Variants in PRIMA1 observed in about 807,000 individuals in gnomAD.
The protein encoded by PRIMA1 is proline-rich membrane anchor 1.
A neutral mutation model predicts 17.5 loss-of-function variants in PRIMA1; 7 were observed. The observed-to-expected ratio is 0.40, with a 90% confidence interval of 0.23 to 0.75. The LOEUF (loss-of-function observed/expected upper bound fraction) is 0.75. PRIMA1 is among the 30% of genes least tolerant of loss of function. The pLI is 0.37. For missense variants in PRIMA1, 200 were observed against 201.8 expected, an observed-to-expected ratio of 0.99 and a Z score of 0.05; for synonymous variants, 97 against 77.9, an observed-to-expected ratio of 1.25 and a Z score of -1.29.
chr14:93,761,527 C>T (rs894256922), intron 3 of PRIMA1, among the ~76,000 whole-genome samples: 6 of 152,134 alleles, frequency 3.9e-5, no homozygotes, highest in Non-Finnish European at 8.8e-5. Flanking sequence ...ACCACAGGAC[C>T]CTTGTATGTG....
At chr14:93,740,629 C>T (rs1258131557) in intron 3 of PRIMA1, among the ~76,000 whole-genome samples, 2 of 152,320 alleles carry the variant, frequency 1.3e-5, no homozygotes, top group East Asian at 1.9e-4. Context: ...ACAGTCACAC[C>T]GACACTCCTG....
intron 3 of PRIMA1, among the ~76,000 whole-genome samples, chr14:93,744,738 C>T (rs897670046): frequency 2.0e-5 from 3 of 152,170 alleles, no homozygotes; most frequent in Non-Finnish European, 4.4e-5. Context: ...CCCCCTGTTT[C>T]ATAAGTCTCC....
At chr14:93,780,946 CAT>C (rs1471714012) in intron 2 of PRIMA1, among the ~76,000 whole-genome samples, 1 of 152,242 alleles carries the variant, frequency 6.6e-6, no homozygotes, top group Non-Finnish European at 1.5e-5. Flanking sequence ...TGCAACTAGC[CAT>C]GTGTTGCCTG....
At chr14:93,723,213 C>T (rs1258361431) in intron 4 of PRIMA1, among the ~76,000 whole-genome samples, 6 of 152,190 alleles carry the variant, frequency 3.9e-5, no homozygotes, top group Non-Finnish European at 1.5e-5. Flanking sequence ...GCCCAGCCCC[C>T]TCCAGGGTTC....
intron 1 of PRIMA1, among the ~76,000 whole-genome samples, chr14:93,788,075 A>G (rs1268039178): frequency 1.3e-5 from 2 of 151,962 alleles, no homozygotes; most frequent in Non-Finnish European, 2.9e-5. Context: ...ATTAACCCCC[A>G]TACAACTCAC....
chr14:93,718,778 T>C lies in PRIMA1; in HGVS notation c.*2666A>G, dbSNP rs1327677735. 1 of 152,576 alleles carries C rather than the reference T, an allele frequency of 6.6e-6. No homozygotes were observed. The highest frequency in any genetic ancestry group is 1.5e-5 in the Non-Finnish European group (1 of 68,030). The allele number at this position is 152,576 out of a possible 1,614,324, so 9.5% of individuals were successfully genotyped here. A position where few individuals can be genotyped will look rare whatever the true frequency, so the allele number is the denominator to read the frequency against. ...AACACCTGAAACCTCTGGGAGATCCTATGATCTGAGTTCCAAAGTTGGGGT... is the reference window on the plus strand; with the variant it reads ...AACACCTGAAACCTCTGGGAGATCCCATGATCTGAGTTCCAAAGTTGGGGT... On this transcript the variant is annotated 3_prime_UTR_variant, in exon 5 of 5. Coordinates refer to ENST00000393140, the MANE Select transcript of PRIMA1 (RefSeq NM_178013.4).
chr14:93,731,497 A>C (rs1182391892), intron 4 of PRIMA1, among the ~76,000 whole-genome samples: 2 of 152,194 alleles, frequency 1.3e-5, no homozygotes, highest in African/African-American at 4.8e-5. Context: ...CTTTGATAAA[A>C]ATTAAAACTA....
intron 4 of PRIMA1, among the ~76,000 whole-genome samples, chr14:93,732,616 C>T (rs1340623694): frequency 6.6e-6 from 1 of 152,248 alleles, no homozygotes; most frequent in East Asian, 1.9e-4. Context: ...CAGTGCCTGG[C>T]ACCTGGTCCT....
At chr14:93,731,127 A>G (rs7158900) in intron 4 of PRIMA1, among the ~76,000 whole-genome samples, 55,203 of 137,116 alleles carry the variant, frequency 0.4, 10,540 homozygotes, top group East Asian at 0.63. Flanking sequence ...GCTATGCACA[A>G]TATGTTCTTT....
chr14:93,753,810 A>C lies in PRIMA1; in HGVS notation c.230-16440T>G, dbSNP rs148385662. On this transcript the variant is annotated intron_variant, in intron 3 of 4. Coordinates refer to ENST00000393140, the MANE Select transcript of PRIMA1 (RefSeq NM_178013.4). ...GGCAACTTTGACCTATTCCAGGCAG[A>C]ACAGCTCCCAGTTAAAGTGCACGCT... Among the ~76,000 whole-genome samples the C allele has an allele frequency of 3.8e-3, 579 of 152,278 alleles. 3 individuals are homozygous for C. Among genetic ancestry groups the C allele is most frequent in the African/African-American group, 0.013 (560 of 41,550 alleles).
chr14:93,764,262 A>C (rs1049313292), intron 3 of PRIMA1, among the ~76,000 whole-genome samples: 21 of 151,618 alleles, frequency 1.4e-4, no homozygotes, highest in African/African-American at 5.1e-4. Flanking sequence ...CCTCTGTGGA[A>C]GCACAGCCCT....
At chr14:93,755,006 G>A (rs2076282207) in intron 3 of PRIMA1, among the ~76,000 whole-genome samples, 1 of 152,200 alleles carries the variant, frequency 6.6e-6, no homozygotes, top group Non-Finnish European at 1.5e-5. Context: ...GAAGTGAGGT[G>A]AGGTCTCGAA....
At chr14:93,725,363 C>T (rs1007567344) in intron 4 of PRIMA1, among the ~76,000 whole-genome samples, 4 of 152,176 alleles carry the variant, frequency 2.6e-5, no homozygotes, top group Non-Finnish European at 5.9e-5. Context: ...CAACCACTCT[C>T]CTGCCTGGAC....
chr14:93,741,117 G>A (rs2076181847), intron 3 of PRIMA1, among the ~76,000 whole-genome samples: 1 of 152,228 alleles, frequency 6.6e-6, no homozygotes, highest in Non-Finnish European at 1.5e-5. Context: ...AATGAGGGAG[G>A]CATTTTGTGA....
intron 3 of PRIMA1, among the ~76,000 whole-genome samples, chr14:93,752,157 G>C (rs2076263746): frequency 6.6e-6 from 1 of 152,140 alleles, no homozygotes; most frequent in Non-Finnish European, 1.5e-5. Context: ...TCCTGCCAGT[G>C]CTACCTACTT....
intron 4 of PRIMA1, among the ~76,000 whole-genome samples, chr14:93,728,862 T>C (rs1001995187): frequency 1.4e-4 from 21 of 152,182 alleles, no homozygotes; most frequent in African/African-American, 4.3e-4. Context: ...TCGTCCCTGC[T>C]GCCTGCATCA....
chr14:93,750,589 A>G (rs542584490), intron 3 of PRIMA1, among the ~76,000 whole-genome samples: 6 of 152,144 alleles, frequency 3.9e-5, no homozygotes, highest in Admixed American at 6.5e-5. Context: ...ACACAGACAC[A>G]CCTATTTGTT....
intron 4 of PRIMA1, among the ~76,000 whole-genome samples, chr14:93,734,477 C>G (rs2076135674): frequency 6.6e-6 from 1 of 152,208 alleles, no homozygotes; most frequent in Non-Finnish European, 1.5e-5. Context: ...GCGAGTCTCT[C>G]ACGAGGTTCC....
intron 3 of PRIMA1, among the ~76,000 whole-genome samples, chr14:93,739,869 C>T (rs2141163196): frequency 6.6e-6 from 1 of 152,190 alleles, no homozygotes; most frequent in Admixed American, 6.5e-5. Context: ...AGTTTGAGAC[C>T]AGCCTGACCA....
Sources: gnomAD v4.1 joint callset for allele counts (sites outside exome capture counted in the v4.1 genomes callset) on GRCh38, gnomAD v4.1.1 for gene constraint, MANE v1.5 for transcripts, NCBI Gene and HGNC (gene_info 2026-07-23, HGNC 2026-07-21) for gene names.